Variants in DNMBP observed in about 807,000 individuals in gnomAD.
DNMBP encodes dynamin-binding protein.
Under a neutral mutation model 150.0 loss-of-function variants are expected in DNMBP, and 87 were observed. The observed-to-expected ratio is 0.58, with a 90% CI of 0.49 to 0.69. DNMBP has a LOEUF of 0.69. DNMBP is among the 30% of genes least tolerant of loss of function. The probability of loss-of-function intolerance (pLI) is 0.00; values close to 1 mark genes in which losing one functional copy is unlikely to be tolerated. For missense variants in DNMBP, 1,774 were observed against 1,949.0 expected (o/e 0.91, Z 1.69); for synonymous variants, 711 against 750.4 (o/e 0.95, Z 0.86).
intron 4 of DNMBP, among the ~76,000 whole-genome samples, chr10:99,913,219 G>T (rs1177039477): frequency 6.6e-6 from 1 of 152,026 alleles, no homozygotes; most frequent in African/African-American, 2.4e-5. Context: ...AAGAAGCTTT[G>T]AATCTTGCAC....
intron 1 of DNMBP, among the ~76,000 whole-genome samples, chr10:100,005,014 A>T (rs558655684): frequency 1.8e-4 from 27 of 152,248 alleles, no homozygotes; most frequent in Non-Finnish European, 3.4e-4. Context: ...AGATACTCAA[A>T]ATCTCTAGTC....
Position 99,969,157 on chromosome 10 carries a change from CA to C in DNMBP, c.225del (p.Cys75TrpfsTer19). ...TTATCCAACTCTTGGGATGTGAATT[CA>C]CAAATGCACACAAACAGCCTCTCTC... ...KEGERLFVCI[C>X]EFTSQELDNL... On this transcript the variant is annotated frameshift_variant, in exon 3 of 17. Coordinates refer to ENST00000324109, the MANE Select transcript of DNMBP (RefSeq NM_015221.4). LOFTEE classifies it high-confidence loss of function. 6.2e-7 allele frequency: 1 copy of C among 1,614,032 alleles called. No individual in the cohort carries two copies. The highest frequency in any genetic ancestry group is 8.5e-7 in the Non-Finnish European group (1 of 1,179,936).
intron 1 of DNMBP, among the ~76,000 whole-genome samples, chr10:100,008,273 G>A (rs1403988712): frequency 1.3e-5 from 2 of 152,200 alleles, no homozygotes; most frequent in Non-Finnish European, 2.9e-5. Context: ...GATCGTTTAT[G>A]AAGATTATTA....
chr10:99,958,294 T>G (rs1383972376), intron 3 of DNMBP: 1 of 152,242 alleles, frequency 6.6e-6, no homozygotes, highest in Non-Finnish European at 1.5e-5. Flanking sequence ...TTATGCACTG[T>G]GCTAAATCTC....
At chr10:99,933,974 G>T (rs1460340628) in intron 4 of DNMBP, among the ~76,000 whole-genome samples, 1 of 152,172 alleles carries the variant, frequency 6.6e-6, no homozygotes, top group East Asian at 1.9e-4. Context: ...CTGACCTCAT[G>T]ATCCCCCTGC....
At position 99,970,971 on chromosome 10, in the gene DNMBP, C is replaced by CAAAAAAAAAAAAA. The variant is rs532226561; in HGVS notation, c.145+996_145+1008dup. On this transcript the variant is annotated intron_variant, in intron 2 of 16. Transcript: ENST00000324109. ...TGGGCAACAGAGCAAGACTCCGTCT[C>CAAAAAAAAAAAAA]AAAAAAAAAAAAAAAAAAAAAAAAA... Among the ~76,000 whole-genome samples the CAAAAAAAAAAAAA allele has an allele frequency of 1.9e-3, 64 of 33,194 alleles. 10 individuals carry two copies. The highest frequency in any genetic ancestry group is 3.8e-3 in the African/African-American group (38 of 10,060). 21.8% of individuals were successfully genotyped at this position (33,194 alleles called of 152,430 possible). A position where few individuals can be genotyped will look rare whatever the true frequency, so the allele number is the denominator to read the frequency against.
At chr10:99,936,003 G>A (rs1248589267) in intron 4 of DNMBP, among the ~76,000 whole-genome samples, 1 of 152,178 alleles carries the variant, frequency 6.6e-6, no homozygotes, top group Non-Finnish European at 1.5e-5. Context: ...ACCTAGGCCA[G>A]GTGCATTCCT....
rs190227006 is a variant in DNMBP at position 99,993,574 on chromosome 10, G to C, written c.-11+16264C>G. Among the ~76,000 whole-genome samples, 301 of 152,294 alleles carry C rather than the reference G, an allele frequency of 2.0e-3. 2 individuals are homozygous for C. Among genetic ancestry groups the C allele is most frequent in the African/African-American group, 7.1e-3 (293 of 41,556 alleles). On this transcript the variant is annotated intron_variant, in intron 1 of 16. Coordinates refer to ENST00000324109, the MANE Select transcript of DNMBP (RefSeq NM_015221.4). The stretch of plus-strand genomic sequence containing the variant: ...CCCAGCATTTTGGGAGGCCAAGGGG[G>C]TTGGATCACTTGAGGCCAGGAGTTC...
intron 1 of DNMBP, among the ~76,000 whole-genome samples, chr10:99,973,080 CATTTATTT>C (rs35399198): frequency 2.5e-4 from 37 of 149,684 alleles, no homozygotes; most frequent in Non-Finnish European, 5.2e-4. Flanking sequence ...CTGCCTGCGG[CATTTATTT>C]ATTTATTTAT....
intron 1 of DNMBP, among the ~76,000 whole-genome samples, chr10:99,973,274 C>T (rs1182142901): frequency 2.0e-5 from 3 of 151,770 alleles, no homozygotes; most frequent in African/African-American, 4.8e-5. Context: ...TCATTTGGAC[C>T]GCAAAGGAAT....
chr10:99,986,594 C>CAAAAAA lies in DNMBP; in HGVS notation c.-10-14466_-10-14461dup, dbSNP rs747726572. ...TGGGAGACAGAGCAAGACTCCGTCT[C>CAAAAAA]AAAAAAAAAAAAAAAAAAAAAAAAA... is the stretch of plus-strand genomic sequence containing the variant. On this transcript the variant is annotated intron_variant, in intron 1 of 16. Transcript: ENST00000324109. Among the ~76,000 whole-genome samples the CAAAAAA allele has an allele frequency of 5.3e-4, 39 of 74,158 alleles. 3 individuals are homozygous for CAAAAAA. Among genetic ancestry groups the CAAAAAA allele is most frequent in the South Asian group, 1.7e-3 (3 of 1,778 alleles). 48.7% of individuals were successfully genotyped at this position (74,158 alleles called of 152,430 possible). A position where few individuals can be genotyped will look rare whatever the true frequency, so the allele number is the denominator to read the frequency against.
intron 1 of DNMBP, among the ~76,000 whole-genome samples, chr10:99,994,305 A>C (rs79611788): frequency 9.3e-4 from 142 of 152,340 alleles, no homozygotes; most frequent in African/African-American, 3.3e-3. Flanking sequence ...ATTAAATTTG[A>C]TAATGTAGGT....
chr10:100,002,528 C>T (rs1213820759), intron 1 of DNMBP, among the ~76,000 whole-genome samples: 2 of 152,184 alleles, frequency 1.3e-5, no homozygotes, highest in South Asian at 2.1e-4. Context: ...CTTATATTTA[C>T]AATCATGCTG....
intron 16 of DNMBP, among the ~76,000 whole-genome samples, chr10:99,877,786 C>T (rs1429935678): frequency 2.0e-5 from 3 of 152,284 alleles, no homozygotes; most frequent in South Asian, 4.1e-4. Flanking sequence ...ATTGCTCCAA[C>T]CCAGGATGCA....
At chr10:99,965,496 CTTTTTT>C (rs35603478) in intron 3 of DNMBP, among the ~76,000 whole-genome samples, 1 of 134,392 alleles carries the variant, frequency 7.4e-6, no homozygotes, top group African/African-American at 2.8e-5. Context: ...ATCTCACATA[CTTTTTT>C]TTTTTTTTTT....
intron 4 of DNMBP, among the ~76,000 whole-genome samples, chr10:99,941,835 G>A (rs2040304601): frequency 6.6e-6 from 1 of 152,108 alleles, no homozygotes; most frequent in African/African-American, 2.4e-5. Flanking sequence ...CTCAAAATAT[G>A]CTGAGAGCTG....
chr10:99,985,645 T>A (rs1564754492), intron 1 of DNMBP, among the ~76,000 whole-genome samples: 1 of 152,124 alleles, frequency 6.6e-6, no homozygotes, highest in Non-Finnish European at 1.5e-5. Context: ...AAATCTCAAG[T>A]CCCAGCAATG....
chr10:99,971,165 A>G (rs2040672804), intron 2 of DNMBP, among the ~76,000 whole-genome samples: 3 of 151,928 alleles, frequency 2.0e-5, no homozygotes, highest in South Asian at 4.2e-4. Context: ...TAGTGGTGCA[A>G]CCTCTTGAAG....
At chr10:99,947,521 G>A (rs2040371166) in intron 4 of DNMBP, among the ~76,000 whole-genome samples, 1 of 148,212 alleles carries the variant, frequency 6.7e-6, no homozygotes, top group Admixed American at 6.7e-5. Flanking sequence ...GGGTACACAT[G>A]GACATAAAGA....
Sources: allele counts gnomAD v4.1 joint callset (sites outside exome capture counted in the v4.1 genomes callset), GRCh38; gene constraint gnomAD v4.1.1; transcripts MANE v1.5; gene names NCBI Gene and HGNC (gene_info 2026-07-23, HGNC 2026-07-21).